The following ZNF407 variants were observed in gnomAD, a reference collection of about 807,000 sequenced individuals.
ZNF407 encodes zinc finger protein 407.
Under a neutral mutation model 131.2 loss-of-function variants are expected in ZNF407, and 17 were observed. The observed-to-expected ratio is 0.13, with a 90% confidence interval of 0.09 to 0.19. The LOEUF (loss-of-function observed/expected upper bound fraction) is 0.19. Among genes scored for constraint, ZNF407 ranks in the 10% least tolerant of loss-of-function variants. The probability of loss-of-function intolerance (pLI) is 1.00; values close to 1 mark genes in which losing one functional copy is unlikely to be tolerated. For synonymous variants in ZNF407, 1,156 were observed against 1,062.0 expected (o/e 1.09, Z -1.72); for missense variants, 2,681 against 2,830.6 (o/e 0.95, Z 1.20).
intron 8 of ZNF407, among the ~76,000 whole-genome samples, chr18:74,938,544 GTGTACCACT>G (rs1972064112): frequency 6.6e-6 from 1 of 150,600 alleles, no homozygotes; most frequent in South Asian, 2.1e-4. Flanking sequence ...CCATTTACTC[GTGTACCACT>G]TCGTTGGTAC....
intron 4 of ZNF407, among the ~76,000 whole-genome samples, chr18:74,820,236 G>A (rs879615041): frequency 4.6e-5 from 7 of 152,202 alleles, no homozygotes; most frequent in Non-Finnish European, 8.8e-5. Context: ...CCTGGGGAGG[G>A]CAGGCAGCAG....
chr18:74,790,263 A>G (rs1969801296), intron 4 of ZNF407, among the ~76,000 whole-genome samples: 1 of 152,184 alleles, frequency 6.6e-6, no homozygotes, highest in South Asian at 2.1e-4. Context: ...TAAAATGACA[A>G]TTATTTCATT....
chr18:74,819,458 G>A (rs1970311016), intron 4 of ZNF407, among the ~76,000 whole-genome samples: 1 of 152,142 alleles, frequency 6.6e-6, no homozygotes, highest in African/African-American at 2.4e-5. Flanking sequence ...AATTTTACAA[G>A]CATACAAGGC....
chr18:74,615,166 A>G (rs1480098285), intron 1 of ZNF407, among the ~76,000 whole-genome samples: 1 of 152,226 alleles, frequency 6.6e-6, no homozygotes, highest in Admixed American at 6.5e-5. Context: ...CCTGGAGCAG[A>G]ATGTTTGCTG....
In ZNF407 at chr18:74,785,370, G is replaced by T. The variant is rs569313056; in HGVS notation, c.4877+3868G>T. Among the ~76,000 whole-genome samples the T allele has an allele frequency of 2.0e-5, 3 of 152,242 alleles. No homozygotes were observed. In the East Asian group the frequency reaches 5.8e-4, roughly 29 times the overall value. On this transcript the variant is annotated intron_variant, in intron 4 of 8. Coordinates refer to ENST00000299687, the MANE Select transcript of ZNF407 (RefSeq NM_017757.3). ...TCCAGATTACTGAGCCCTGAAATTT[G>T]TGCTGGCCTCTCCCCTTTTATGAGA...
intron 3 of ZNF407, among the ~76,000 whole-genome samples, chr18:74,692,570 T>C (rs1476473980): frequency 6.6e-6 from 1 of 152,168 alleles, no homozygotes; most frequent in Non-Finnish European, 1.5e-5. Flanking sequence ...CTGCCCTTTT[T>C]CCTTGACACC....
At chr18:74,765,961 C>G (rs1356021835) in intron 3 of ZNF407, among the ~76,000 whole-genome samples, 1 of 151,888 alleles carries the variant, frequency 6.6e-6, no homozygotes, top group Non-Finnish European at 1.5e-5. Flanking sequence ...CCAAATCAGT[C>G]AGGATTCACT....
At chr18:74,936,936 G>A (rs1333381465) in intron 8 of ZNF407, among the ~76,000 whole-genome samples, 1 of 152,200 alleles carries the variant, frequency 6.6e-6, no homozygotes, top group African/African-American at 2.4e-5. Context: ...GAAATTTATA[G>A]TGTTGTAAAA....
intron 3 of ZNF407, among the ~76,000 whole-genome samples, chr18:74,718,592 GCT>G: frequency 6.6e-6 from 1 of 152,146 alleles, no homozygotes; most frequent in African/African-American, 2.4e-5. Flanking sequence ...GACTTCCTGT[GCT>G]CAAGTGATCT....
chr18:74,896,971 T>G (rs1481756229), intron 7 of ZNF407, among the ~76,000 whole-genome samples: 2 of 152,212 alleles, frequency 1.3e-5, no homozygotes, highest in African/African-American at 4.8e-5. Flanking sequence ...TCAGTTCTAA[T>G]TTTTTATTTG....
At chr18:74,991,731 G>A (rs1347484575) in intron 8 of ZNF407, among the ~76,000 whole-genome samples, 1 of 152,048 alleles carries the variant, frequency 6.6e-6, no homozygotes, top group East Asian at 1.9e-4. Context: ...TTCTTCACTT[G>A]TGGCCATCAC....
At chr18:75,032,736 G>A (rs918044765) in intron 8 of ZNF407, among the ~76,000 whole-genome samples, 1 of 147,712 alleles carries the variant, frequency 6.8e-6, no homozygotes, top group African/African-American at 2.6e-5. Context: ...CGGAATGGGG[G>A]GAAGATAGCA....
intron 3 of ZNF407, among the ~76,000 whole-genome samples, chr18:74,702,095 G>GTAT (rs1056520389): frequency 1.6e-4 from 25 of 152,124 alleles, no homozygotes; most frequent in African/African-American, 6.0e-4. Flanking sequence ...TTCTAATGAG[G>GTAT]TATTAGATCA....
At chr18:74,960,301 G>T (rs1972325018) in intron 8 of ZNF407, among the ~76,000 whole-genome samples, 1 of 148,054 alleles carries the variant, frequency 6.8e-6, no homozygotes, top group Non-Finnish European at 1.5e-5. Context: ...GTGAGTGCTT[G>T]GTGGAGGGAT....
At position 74,878,521 on chromosome 18, in the gene ZNF407, G is replaced by A. The variant is rs540569217; in HGVS notation, c.5044+1158G>A. The stretch of plus-strand genomic sequence containing the variant: ...AAAGCCAGTGCAGATGTAATTTATC[G>A]TCGGCGTTTCCTTCTAAAGAATAAT... On this transcript the variant is annotated intron_variant, in intron 5 of 8. Transcript: ENST00000299687. Among the ~76,000 whole-genome samples the A allele has an allele frequency of 4.6e-5, 7 of 152,210 alleles. No homozygotes were observed. The Middle Eastern group carries it at 0.014, about 296-fold the overall frequency.
At chr18:74,842,718 C>G (rs945311014) in intron 4 of ZNF407, among the ~76,000 whole-genome samples, 1 of 151,758 alleles carries the variant, frequency 6.6e-6, no homozygotes, top group African/African-American at 2.4e-5. Context: ...TTCGGCTATG[C>G]TATTTATTTA....
chr18:74,634,079 G>A lies in ZNF407; in HGVS notation c.3060G>A (p.Leu1020=), dbSNP rs1984298043. Residue 1020 remains leucine (L), a synonymous_variant, in exon 2 of 9, where the codon TTG becomes TTA. Coordinates refer to ENST00000299687, the MANE Select transcript of ZNF407 (RefSeq NM_017757.3). ...CAGGCACAGGTGAGAATAAGTGTTT[G>A]CACTGTGAGTTTAGTGCTCACTCCT... The part of the protein sequence containing the change: ...DVTGTGENKC[L]HCEFSAHSSA... 6.2e-7 allele frequency: 1 copy of A among 1,614,036 alleles called. No homozygotes were observed. Among genetic ancestry groups the A allele is most frequent in the Non-Finnish European group, 8.5e-7 (1 of 1,179,902 alleles).
intron 8 of ZNF407, among the ~76,000 whole-genome samples, chr18:75,047,772 C>T (rs1210203587): frequency 6.6e-6 from 1 of 152,246 alleles, no homozygotes; most frequent in African/African-American, 2.4e-5. Flanking sequence ...GTGTCACTCT[C>T]TCTGTTTTGC....
chr18:74,975,152 A>G (rs1051444373), intron 8 of ZNF407, among the ~76,000 whole-genome samples: 3 of 152,232 alleles, frequency 2.0e-5, no homozygotes, highest in African/African-American at 7.2e-5. Flanking sequence ...TAAAATGCAT[A>G]GAGCTGACAT....
Sources: gnomAD v4.1 joint callset for allele counts (sites outside exome capture counted in the v4.1 genomes callset) on GRCh38, gnomAD v4.1.1 for gene constraint, MANE v1.5 for transcripts, NCBI Gene and HGNC (gene_info 2026-07-23, HGNC 2026-07-21) for gene names.